The following AP3B1 variants were observed in gnomAD, a reference collection of about 807,000 sequenced individuals.
AP3B1 encodes the protein adaptor related protein complex 3 subunit beta 1.
Under a neutral mutation model 132.5 loss-of-function variants are expected in AP3B1, and 61 were observed. That is an observed-to-expected ratio of 0.46 (90% CI 0.37 to 0.57). The LOEUF (loss-of-function observed/expected upper bound fraction) is 0.57, where lower values mean the gene tolerates loss of function less well. Ranked by LOEUF, AP3B1 falls within the 20% of genes least tolerant of loss-of-function variation. The pLI, the probability that AP3B1 is intolerant of heterozygous loss-of-function variation, is 0.00. For synonymous variants in AP3B1, 388 were observed against 438.3 expected (o/e 0.89, Z 1.43); for missense variants, 1,120 against 1,289.4 (o/e 0.87, Z 2.01).
chr5:78,060,184 TA>T (rs1748983597), intron 22 of AP3B1, among the ~76,000 whole-genome samples: 1 of 152,214 alleles, frequency 6.6e-6, no homozygotes, highest in Non-Finnish European at 1.5e-5. Flanking sequence ...CAGATGTTTA[TA>T]AAAGTTATAC....
Position 78,019,017 on chromosome 5 carries a change from A to G in AP3B1, c.2992+1675T>C, listed in dbSNP as rs181927692. Reference sequence around the variant, plus strand: ...TTCAGGAAGACAGAAAGAATGATACAGAAATGCCAAGAGACTTGCAAGGAT... The same window carrying G: ...TTCAGGAAGACAGAAAGAATGATACGGAAATGCCAAGAGACTTGCAAGGAT... On this transcript the variant is annotated intron_variant, in intron 25 of 26. Transcript: ENST00000255194. Among the ~76,000 whole-genome samples, 3 of 152,312 alleles carry G rather than the reference A, an allele frequency of 2.0e-5. No individual in the cohort carries two copies. In the East Asian group the frequency reaches 5.8e-4, roughly 29 times the overall value.
At chr5:78,066,572 T>C (rs1239868471) in intron 22 of AP3B1, among the ~76,000 whole-genome samples, 1 of 152,178 alleles carries the variant, frequency 6.6e-6, no homozygotes, top group Non-Finnish European at 1.5e-5. Context: ...ATTTCTGAGC[T>C]TGAAGACTAT....
At chr5:78,291,340 T>C (rs1250117832) in intron 1 of AP3B1, among the ~76,000 whole-genome samples, 2 of 147,278 alleles carry the variant, frequency 1.4e-5, no homozygotes, top group Admixed American at 1.4e-4. Flanking sequence ...GATTGATCAA[T>C]GGTTGTTAAA....
chr5:78,140,530 A>G (rs934278470), intron 15 of AP3B1, among the ~76,000 whole-genome samples: 19 of 152,230 alleles, frequency 1.2e-4, no homozygotes, highest in Admixed American at 1.0e-3. Flanking sequence ...GTGTCCTCAC[A>G]TGGCAGAAGC....
chr5:78,053,419 C>T (rs1394577770), intron 22 of AP3B1, among the ~76,000 whole-genome samples: 1 of 151,994 alleles, frequency 6.6e-6, no homozygotes. Context: ...CAGCGGCTCA[C>T]GCCTGTAATC....
At chr5:78,240,418 G>A (rs1747075783) in intron 3 of AP3B1, among the ~76,000 whole-genome samples, 2 of 152,164 alleles carry the variant, frequency 1.3e-5, no homozygotes, top group African/African-American at 4.8e-5. Context: ...TGTACTGAGT[G>A]CTTAGTACAT....
Position 78,193,742 on chromosome 5 carries a change from T to TATATA in AP3B1, c.787-12081_787-12080insTATAT, listed in dbSNP as rs1561469413. Among the ~76,000 whole-genome samples the TATATA allele has an allele frequency of 4.7e-3, 425 of 90,246 alleles. 6 individuals carry two copies. The highest frequency in any genetic ancestry group is 7.8e-3 in the Admixed American group (59 of 7,522). 59.2% of individuals were successfully genotyped at this position (90,246 alleles called of 152,430 possible). A position where few individuals can be genotyped will look rare whatever the true frequency, so the allele number is the denominator to read the frequency against. Reference sequence around the variant, plus strand: ...TATTTTTAAATATTTGTATATATTTTTTTATATATATATATATATATATAT... The same window carrying TATATA: ...TATTTTTAAATATTTGTATATATTTTATATATTTATATATATATATATATATATAT... On this transcript the variant is annotated intron_variant, in intron 7 of 26. Transcript: ENST00000255194.
Position 78,107,138 on chromosome 5 carries a change from T to C in AP3B1, c.2397+3069A>G, listed in dbSNP as rs148477289. Among the ~76,000 whole-genome samples the C allele has an allele frequency of 1.2e-3, 180 of 152,262 alleles. 1 individual carries two copies. The highest frequency in any genetic ancestry group is 4.1e-3 in the African/African-American group (172 of 41,528). ...ACTAATTTGGGGTCAACATTCACAC[T>C]TGGGTGTCAGAGGCGTGTAAAAAGT... is the stretch of plus-strand genomic sequence containing the variant. On this transcript the variant is annotated intron_variant, in intron 20 of 26. Transcript: ENST00000255194.
intron 26 of AP3B1, among the ~76,000 whole-genome samples, chr5:78,011,949 A>C (rs953600168): frequency 2.6e-5 from 4 of 152,168 alleles, no homozygotes; most frequent in African/African-American, 9.6e-5. Context: ...AGAGTAACTT[A>C]TCATATTGAA....
chr5:78,065,496 G>A (rs1332707786), intron 22 of AP3B1, among the ~76,000 whole-genome samples: 3 of 152,168 alleles, frequency 2.0e-5, no homozygotes, highest in Non-Finnish European at 2.9e-5. Flanking sequence ...AGACTGGGCG[G>A]TTTGGACCCC....
intron 3 of AP3B1, among the ~76,000 whole-genome samples, chr5:78,236,417 G>A (rs771369830): frequency 2.6e-5 from 4 of 152,192 alleles, no homozygotes; most frequent in Non-Finnish European, 4.4e-5. Flanking sequence ...ATGTTGATAA[G>A]GAGTCAAAAA....
chr5:78,228,990 T>C (rs1374524300), intron 3 of AP3B1, among the ~76,000 whole-genome samples: 1 of 152,186 alleles, frequency 6.6e-6, no homozygotes, highest in Non-Finnish European at 1.5e-5. Context: ...TGCAGTGCAA[T>C]AGCACAATCA....
At chr5:78,020,286 T>TA (rs1414436131) in intron 25 of AP3B1, among the ~76,000 whole-genome samples, 1 of 152,078 alleles carries the variant, frequency 6.6e-6, no homozygotes, top group Non-Finnish European at 1.5e-5. Context: ...CAGGGACAAA[T>TA]ACATTAGTAA....
chr5:78,264,142 T>C (rs1257361498), intron 2 of AP3B1, among the ~76,000 whole-genome samples: 1 of 152,178 alleles, frequency 6.6e-6, no homozygotes, highest in Non-Finnish European at 1.5e-5. Flanking sequence ...ATCCCTGTCA[T>C]TCAGCGATGC....
At chr5:78,175,189 G>A (rs911471843) in intron 11 of AP3B1, among the ~76,000 whole-genome samples, 12 of 152,288 alleles carry the variant, frequency 7.9e-5, no homozygotes, top group East Asian at 1.9e-4. Context: ...GTGAGGCAAC[G>A]CCCCACTCTG....
intron 6 of AP3B1, among the ~76,000 whole-genome samples, chr5:78,223,428 G>C (rs977492790): frequency 2.0e-5 from 3 of 151,978 alleles, no homozygotes; most frequent in East Asian, 1.9e-4. Context: ...ACCACTGCAG[G>C]GGGGTGAGGG....
intron 24 of AP3B1, among the ~76,000 whole-genome samples, chr5:78,028,530 G>A (rs1288864309): frequency 6.6e-6 from 1 of 152,074 alleles, no homozygotes; most frequent in African/African-American, 2.4e-5. Context: ...TTCTGTATTG[G>A]CTGGAACTTC....
At chr5:78,126,233 G>A (rs531829695) in intron 17 of AP3B1, among the ~76,000 whole-genome samples, 10 of 151,856 alleles carry the variant, frequency 6.6e-5, no homozygotes, top group South Asian at 2.1e-4. Context: ...GGCTGGGCAC[G>A]GTGACTCACA....
At chr5:78,053,716 C>T (rs960329499) in intron 22 of AP3B1, among the ~76,000 whole-genome samples, 4 of 149,622 alleles carry the variant, frequency 2.7e-5, no homozygotes, top group African/African-American at 7.4e-5. Flanking sequence ...AGAAAAGTCC[C>T]CCTCAGGTAA....
Sources: gnomAD v4.1 joint callset for allele counts (sites outside exome capture counted in the v4.1 genomes callset) on GRCh38, gnomAD v4.1.1 for gene constraint, MANE v1.5 for transcripts, NCBI Gene and HGNC (gene_info 2026-07-23, HGNC 2026-07-21) for gene names.